The following MMRN1 variants were observed in gnomAD, a reference collection of about 807,000 sequenced individuals.
MMRN1 encodes the protein multimerin 1.
Under a neutral mutation model 100.7 loss-of-function variants are expected in MMRN1, and 94 were observed. The observed-to-expected ratio is 0.93, with a 90% CI of 0.79 to 1.11. The LOEUF (loss-of-function observed/expected upper bound fraction) is 1.11. Among genes scored for constraint, MMRN1 ranks in the 50% least tolerant of loss-of-function variants. MMRN1 has a pLI of 0.00. For synonymous variants in MMRN1, 575 were observed against 505.0 expected, an observed-to-expected ratio of 1.14 and a Z score of -1.86; for missense variants, 1,606 against 1,439.1, an observed-to-expected ratio of 1.12 and a Z score of -1.88.
upstream of MMRN1, among the ~76,000 whole-genome samples, chr4:89,894,051 A>T (rs1337134673): frequency 6.6e-6 from 1 of 152,090 alleles, no homozygotes; most frequent in Non-Finnish European, 1.5e-5. Context: ...ATTCTATATG[A>T]TCCCATTTTA....
upstream of MMRN1, among the ~76,000 whole-genome samples, chr4:89,893,162 G>A (rs148201044): frequency 7.5e-4 from 114 of 151,932 alleles, no homozygotes; most frequent in African/African-American, 2.5e-3. Flanking sequence ...GTAACTAATC[G>A]TTTCCTGGAT....
Position 89,951,594 on chromosome 4 carries a change from T to C in MMRN1, c.3119-11T>C, listed in dbSNP as rs760584817. 1 of 1,462,550 alleles carries C rather than the reference T, an allele frequency of 6.8e-7. No homozygotes were observed. The highest frequency in any genetic ancestry group is 1.5e-5 in the South Asian group (1 of 67,798). 90.6% of individuals were successfully genotyped at this position (1,462,550 alleles called of 1,614,324 possible). ...TTATTCTCTTTTACCTTGATTCTTT[T>C]TCCGTAACAGAGGAGTATTCAAGCT... On this transcript the variant is annotated splice_polypyrimidine_tract_variant and intron_variant, in intron 6 of 7. Coordinates refer to ENST00000264790, the MANE Select transcript of MMRN1 (RefSeq NM_007351.3).
chr4:89,936,654 G>T lies in MMRN1; in HGVS notation c.2974G>T (p.Gly992Cys). The T allele has an allele frequency of 6.2e-7, 1 of 1,613,488 alleles. No homozygotes were observed. Among genetic ancestry groups the T allele is most frequent in the Non-Finnish European group, 8.5e-7 (1 of 1,179,650 alleles). Residue 992 changes from glycine to cysteine, a missense_variant, in exon 6 of 8, where the codon GGT becomes TGT. Physicochemically the swap from Gly to Cys is radical, Grantham distance 159 (BLOSUM62 -3). Transcript: ENST00000264790. ...TTGTTGTATAGATCGATCGTTGCCT[G>T]GTAGTCTGGCAAATGTTGTCAAGTC... The part of the protein sequence containing the change: ...LTCCIDRSLP[G>C]SLANVVKSQK...
intron 1 of MMRN1, among the ~76,000 whole-genome samples, chr4:89,883,451 T>C (rs1236841783): frequency 6.6e-6 from 1 of 152,120 alleles, no homozygotes; most frequent in Non-Finnish European, 1.5e-5. Context: ...TGAAATGGTA[T>C]CTCAGTGTAG....
At chr4:89,926,504 C>A (rs1722267919) in intron 4 of MMRN1, among the ~76,000 whole-genome samples, 1 of 151,916 alleles carries the variant, frequency 6.6e-6, no homozygotes, top group African/African-American at 2.4e-5. Flanking sequence ...GCTTGTTTGA[C>A]CTTCTTTTAT....
chr4:89,940,611 T>A (rs1284883415), intron 6 of MMRN1, among the ~76,000 whole-genome samples: 1 of 152,166 alleles, frequency 6.6e-6, no homozygotes, highest in Non-Finnish European at 1.5e-5. Flanking sequence ...AAGTCCTGCC[T>A]GGCAATATAT....
At chr4:89,913,722 T>C (rs558631460) in intron 3 of MMRN1, among the ~76,000 whole-genome samples, 51 of 151,292 alleles carry the variant, frequency 3.4e-4, no homozygotes, top group Non-Finnish European at 4.7e-4. Context: ...TTACAAATCA[T>C]TGTATTAATT....
Position 89,936,294 on chromosome 4 carries a change from A to C in MMRN1, c.2614A>C (p.Thr872Pro), listed in dbSNP as rs768417485. 6.2e-7 allele frequency: 1 copy of C among 1,612,014 alleles called. No individual in the cohort carries two copies. The highest frequency in any genetic ancestry group is 1.7e-5 in the Admixed American group (1 of 59,682). Residue 872 changes from threonine (T) to proline (P), a missense_variant, in exon 6 of 8, where the codon ACG (threonine) becomes CCG (proline). Thr to Pro is a conservative substitution (Grantham distance 38). Transcript: ENST00000264790. Reference protein sequence around the residue: ...LQDIESKVTQTLIPYYISVKK... With the variant: ...LQDIESKVTQPLIPYYISVKK... ...AGACATTGAGTCTAAAGTTACCCAG[A>C]CGCTCATACCTTATTATATTTCAGT...
At chr4:89,917,415 G>A (rs1721955878) in intron 3 of MMRN1, among the ~76,000 whole-genome samples, 1 of 151,722 alleles carries the variant, frequency 6.6e-6, no homozygotes, top group Non-Finnish European at 1.5e-5. Flanking sequence ...AAACCAATCT[G>A]CCTCTTGATT....
chr4:89,911,457 C>A (rs3775467), intron 2 of MMRN1, among the ~76,000 whole-genome samples: 19,339 of 151,034 alleles, frequency 0.13, 1,854 homozygotes, highest in East Asian at 0.3. Flanking sequence ...TGAAAAATTC[C>A]ATGGGAAAAT....
intron 6 of MMRN1, among the ~76,000 whole-genome samples, chr4:89,950,340 GA>G (rs1723122081): frequency 6.6e-6 from 1 of 152,042 alleles, no homozygotes; most frequent in African/African-American, 2.4e-5. Flanking sequence ...AGTATGTCTG[GA>G]GTATATATAT....
chr4:89,912,258 T>G (rs983360331), intron 3 of MMRN1, among the ~76,000 whole-genome samples: 2 of 151,264 alleles, frequency 1.3e-5, no homozygotes, highest in Non-Finnish European at 3.0e-5. Context: ...CCCCCATTTT[T>G]ATGTTGGATT....
chr4:89,882,823 A>G (rs1358589345), intron 1 of MMRN1, among the ~76,000 whole-genome samples: 2 of 151,924 alleles, frequency 1.3e-5, no homozygotes, highest in Non-Finnish European at 2.9e-5. Flanking sequence ...GAGTTTTGAC[A>G]ATTGCATTCT....
At chr4:89,933,614 G>T (rs541269209) in intron 5 of MMRN1, among the ~76,000 whole-genome samples, 3 of 152,106 alleles carry the variant, frequency 2.0e-5, no homozygotes, top group African/African-American at 7.2e-5. Flanking sequence ...CATCTTACAC[G>T]GCGACAAGCA....
intron 6 of MMRN1, among the ~76,000 whole-genome samples, chr4:89,950,629 G>T (rs1723135520): frequency 6.6e-6 from 1 of 151,994 alleles, no homozygotes; most frequent in Non-Finnish European, 1.5e-5. Context: ...CCTTTTGTGG[G>T]TTTTGTTCAA....
rs145471582 is a variant in MMRN1 at position 89,909,482 on chromosome 4, C to T, written c.743+87C>T. On this transcript the variant is annotated intron_variant, in intron 2 of 7. Transcript: ENST00000264790. The stretch of plus-strand genomic sequence containing the variant: ...TATATAATGTTATTCATGCAAGGTA[C>T]ATAATACATAGTAGGGTCAGGGGAT... 2.8e-4 allele frequency: 418 copies of T among 1,486,844 alleles called. 3 individuals carry two copies. The East Asian group carries it at 8.6e-3, about 31-fold the overall frequency. The allele number at this position is 1,486,844 out of a possible 1,614,324, so 92.1% of individuals were successfully genotyped here. A position where few individuals can be genotyped will look rare whatever the true frequency, so the allele number is the denominator to read the frequency against.
intron 1 of MMRN1, among the ~76,000 whole-genome samples, chr4:89,882,637 A>ATG (rs145021020): frequency 0.069 from 10,505 of 151,996 alleles, 612 homozygotes; most frequent in African/African-American, 0.16. Context: ...AAGAATATAT[A>ATG]TGTTGTATTC....
chr4:89,933,430 A>C (rs555772981), intron 5 of MMRN1, among the ~76,000 whole-genome samples: 37 of 152,204 alleles, frequency 2.4e-4, no homozygotes, highest in African/African-American at 8.4e-4. Flanking sequence ...GCAGTAGCCC[A>C]CTCTATTGAT....
rs925798218 is a variant in MMRN1 at position 89,928,075 on chromosome 4, T to C, written c.1129+107T>C. 2.8e-5 allele frequency: 24 copies of C among 867,772 alleles called. No homozygotes were observed. The African/African-American group carries it at 3.2e-4, about 12-fold the overall frequency. The allele number at this position is 867,772 out of a possible 1,614,324, so 53.8% of individuals were successfully genotyped here. A position where few individuals can be genotyped will look rare whatever the true frequency, so the allele number is the denominator to read the frequency against. On this transcript the variant is annotated intron_variant, in intron 5 of 7. Coordinates refer to ENST00000264790, the MANE Select transcript of MMRN1 (RefSeq NM_007351.3). ...GATCTTTGCTTTAGTTTGGGTGGTA[T>C]GGAAACCTAAGAAAGATTTTTTTTA...
Sources: allele counts gnomAD v4.1 joint callset (sites outside exome capture counted in the v4.1 genomes callset), GRCh38; gene constraint gnomAD v4.1.1; transcripts MANE v1.5; gene names NCBI Gene and HGNC (gene_info 2026-07-23, HGNC 2026-07-21).